FBXW8: variants seen among roughly 807,000 people sequenced by gnomAD.
The protein encoded by FBXW8 is F-box/WD repeat-containing protein 8.
A neutral mutation model predicts 65.3 loss-of-function variants in FBXW8; 57 were observed. That is an observed-to-expected ratio of 0.87 (90% CI 0.71 to 1.09). The LOEUF (loss-of-function observed/expected upper bound fraction) is 1.09, where lower values mean the gene tolerates loss of function less well. FBXW8 is among the 50% of genes least tolerant of loss of function. The pLI, the probability that FBXW8 is intolerant of heterozygous loss-of-function variation, is 0.00. For synonymous variants in FBXW8, 308 were observed against 330.2 expected, an observed-to-expected ratio of 0.93 and a Z score of 0.73; for missense variants, 777 against 814.8, an observed-to-expected ratio of 0.95 and a Z score of 0.57.
intron 7 of FBXW8, among the ~76,000 whole-genome samples, chr12:116,995,972 G>A (rs190828389): frequency 3.0e-4 from 46 of 152,178 alleles, no homozygotes; most frequent in African/African-American, 1.1e-3. Flanking sequence ...TAATTCTTTT[G>A]CTGCCTGAAT....
chr12:117,018,492 G>A (rs1008561719), intron 8 of FBXW8, among the ~76,000 whole-genome samples: 1 of 152,210 alleles, frequency 6.6e-6, no homozygotes, highest in Non-Finnish European at 1.5e-5. Context: ...CACGGCATTC[G>A]GGCCTGTGCT....
intron 2 of FBXW8, among the ~76,000 whole-genome samples, chr12:116,944,376 A>G (rs1271147500): frequency 2.6e-5 from 4 of 152,154 alleles, no homozygotes; most frequent in African/African-American, 9.7e-5. Flanking sequence ...TTTGTGCAGT[A>G]AGAATCTGGT....
rs1413427439 is a variant in FBXW8 at position 116,936,671 on chromosome 12, C to A, written c.423+8544C>A. Among the ~76,000 whole-genome samples, 1 of 152,156 alleles carries A rather than the reference C, an allele frequency of 6.6e-6. No individual in the cohort carries two copies. The highest frequency in any genetic ancestry group is 1.5e-5 in the Non-Finnish European group (1 of 68,026). Reference sequence around the variant, plus strand: ...GGAATGCAGCCCTGCCCACACCTTGCTTTTACACTTCTGGTCTCCGGAACT... The same window carrying A: ...GGAATGCAGCCCTGCCCACACCTTGATTTTACACTTCTGGTCTCCGGAACT... On this transcript the variant is annotated intron_variant, in intron 2 of 10. Coordinates refer to ENST00000652555, the MANE Select transcript of FBXW8 (RefSeq NM_153348.3). This position sits in a 1 kb window ranked among gnomAD's most constrained non-coding sequence, Gnocchi z 4.6.
Position 116,928,010 on chromosome 12 carries a change from T to C in FBXW8, c.319-13T>C, listed in dbSNP as rs1455937848. On this transcript the variant is annotated splice_polypyrimidine_tract_variant and intron_variant, in intron 1 of 10. Coordinates refer to ENST00000652555, the MANE Select transcript of FBXW8 (RefSeq NM_153348.3). ...AAAAATTATAAACTTCTTTCTTTTT[T>C]TTTTCCCCTCAGAATGAAATGAATG... 1 of 1,505,938 alleles carries C rather than the reference T, an allele frequency of 6.6e-7. No individual in the cohort carries two copies. Among genetic ancestry groups the C allele is most frequent in the Non-Finnish European group, 9.1e-7 (1 of 1,103,902 alleles). 93.3% of individuals were successfully genotyped at this position (1,505,938 alleles called of 1,614,324 possible).
At chr12:117,021,628 T>G (rs1236577572) in intron 8 of FBXW8, among the ~76,000 whole-genome samples, 1 of 151,900 alleles carries the variant, frequency 6.6e-6, no homozygotes, top group Non-Finnish European at 1.5e-5. Flanking sequence ...ACATTTTCTT[T>G]GATTCTATTT....
In FBXW8 at chr12:116,933,372, C is replaced by G. The variant is rs573762524; in HGVS notation, c.423+5245C>G. Among the ~76,000 whole-genome samples, 4 of 152,344 alleles carry G rather than the reference C, an allele frequency of 2.6e-5. No homozygotes were observed. In the South Asian group the frequency reaches 8.3e-4, roughly 32 times the overall value. On this transcript the variant is annotated intron_variant, in intron 2 of 10. Coordinates refer to ENST00000652555, the MANE Select transcript of FBXW8 (RefSeq NM_153348.3). ...CCCTGCTTTGTAGAGAGCCATGTGGCTTTCACATCTGCTGCTGGTTTTCTC... is the reference window on the plus strand; with the variant it reads ...CCCTGCTTTGTAGAGAGCCATGTGGGTTTCACATCTGCTGCTGGTTTTCTC...
intron 2 of FBXW8, among the ~76,000 whole-genome samples, chr12:116,934,360 C>A (rs1475669289): frequency 2.0e-5 from 3 of 152,090 alleles, no homozygotes; most frequent in African/African-American, 7.2e-5. Context: ...AACAGTGTAG[C>A]TTTTAGTAAG....
chr12:117,023,492 G>A (rs896198643), intron 8 of FBXW8, among the ~76,000 whole-genome samples: 3 of 151,964 alleles, frequency 2.0e-5, no homozygotes, highest in South Asian at 2.1e-4. Context: ...ATTTATCCTC[G>A]TGAAAAATTC....
At chr12:116,970,159 G>A (rs895531579) in intron 5 of FBXW8, among the ~76,000 whole-genome samples, 1 of 152,150 alleles carries the variant, frequency 6.6e-6, no homozygotes. Flanking sequence ...AGTGTGCTTC[G>A]AAACCCGCTC....
chr12:116,979,507 TCTC>T (rs1885161902), intron 5 of FBXW8: 1 of 152,256 alleles, frequency 6.6e-6, no homozygotes. Context: ...CCCTGCCCCT[TCTC>T]CTTTATTGGG....
intron 5 of FBXW8, among the ~76,000 whole-genome samples, chr12:116,975,560 T>C (rs528813651): frequency 6.6e-6 from 1 of 152,260 alleles, no homozygotes; most frequent in East Asian, 1.9e-4. Flanking sequence ...TAACAGGACA[T>C]TTGCATGGTG....
intron 1 of FBXW8, among the ~76,000 whole-genome samples, chr12:116,912,617 C>T (rs1471249984): frequency 6.6e-6 from 1 of 152,046 alleles, no homozygotes; most frequent in Non-Finnish European, 1.5e-5. Flanking sequence ...CCCACCACCA[C>T]GCCCGGCTAA....
At chr12:116,967,911 C>T (rs1273309796) in intron 5 of FBXW8, among the ~76,000 whole-genome samples, 3 of 152,056 alleles carry the variant, frequency 2.0e-5, no homozygotes, top group Non-Finnish European at 4.4e-5. Flanking sequence ...GGATTACAGG[C>T]GCCTGCCACC....
chr12:116,995,775 G>T (rs1268354231), intron 7 of FBXW8, among the ~76,000 whole-genome samples: 2 of 152,180 alleles, frequency 1.3e-5, no homozygotes, highest in Non-Finnish European at 2.9e-5. Flanking sequence ...GAAAACAAAG[G>T]TAAAAGTAAT....
At position 117,010,305 on chromosome 12, in the gene FBXW8, TTTCTC is replaced by T; in HGVS notation, c.1240-14_1240-10del. 6.2e-7 allele frequency: 1 copy of T among 1,614,166 alleles called. No individual in the cohort carries two copies. Among genetic ancestry groups the T allele is most frequent in the Non-Finnish European group, 8.5e-7 (1 of 1,180,006 alleles). On this transcript the variant is annotated splice_polypyrimidine_tract_variant and intron_variant, in intron 7 of 10. Transcript: ENST00000652555. ...GTGTGTGGAATTGTGGGCCCACACA[TTTCTC>T]TTCCTCTCTCAGATCCTGGTGTATA...
chr12:116,935,238 ATAAG>A (rs766486077), intron 2 of FBXW8, among the ~76,000 whole-genome samples: 8 of 152,208 alleles, frequency 5.3e-5, no homozygotes, highest in Middle Eastern at 3.2e-3. Context: ...AGCAAAATAA[ATAAG>A]TAATTCTAGA....
rs1392176359 is a variant in FBXW8, at chr12:116,936,759, A to G, written c.424-8605A>G. On this transcript the variant is annotated intron_variant, in intron 2 of 10. Coordinates refer to ENST00000652555, the MANE Select transcript of FBXW8 (RefSeq NM_153348.3). This position sits in a 1 kb window ranked among gnomAD's most constrained non-coding sequence, Gnocchi z 4.6. ...TTTGTAGTAGTTTGTTAGCGCAGCC[A>G]TAGGAGACTGATACGGGGATGTGGT... is the stretch of plus-strand genomic sequence containing the variant. Among the ~76,000 whole-genome samples, 1 of 152,210 alleles carries G rather than the reference A, an allele frequency of 6.6e-6. No individual in the cohort carries two copies. The highest frequency in any genetic ancestry group is 1.5e-5 in the Non-Finnish European group (1 of 68,042).
intron 7 of FBXW8, among the ~76,000 whole-genome samples, chr12:116,992,644 C>T (rs928555185): frequency 6.6e-5 from 10 of 152,088 alleles, no homozygotes; most frequent in Non-Finnish European, 1.3e-4. Flanking sequence ...TAAGTGAGAA[C>T]ATGCTGTATT....
intron 5 of FBXW8, chr12:116,978,373 A>G (rs1261697732): frequency 6.6e-6 from 1 of 152,246 alleles, no homozygotes; most frequent in East Asian, 1.9e-4. Context: ...CTTAATGAAC[A>G]AAGAGGTACG....
Sources: gnomAD v4.1 joint callset for allele counts (sites outside exome capture counted in the v4.1 genomes callset) on GRCh38, gnomAD v4.1.1 for gene constraint, Gnocchi (gnomAD v3.1) non-coding constraint, MANE v1.5 for transcripts, NCBI Gene and HGNC (gene_info 2026-07-23, HGNC 2026-07-21) for gene names.